The following RANBP2 variants were observed in gnomAD, a reference collection of about 807,000 sequenced individuals.
RANBP2 encodes E3 SUMO-protein ligase RanBP2.
Under a neutral mutation model 303.6 loss-of-function variants are expected in RANBP2, and 57 were observed. The ratio of observed to expected loss-of-function variants is 0.19; its 90% CI spans 0.15 to 0.23. The LOEUF is 0.23. RANBP2 is among the 10% of genes least tolerant of loss of function. The pLI is 1.00. For missense variants in RANBP2, 3,138 were observed against 3,780.8 expected (o/e 0.83, Z 4.46); for synonymous variants, 1,167 against 1,301.5 (o/e 0.90, Z 2.23).
At chr2:108,814,451 T>G in the RANBP2 span, among the ~76,000 whole-genome samples, 3 of 152,184 alleles carry the variant, frequency 2.0e-5, no homozygotes, top group Non-Finnish European at 4.4e-5. Context: ...TAATCGAAGT[T>G]TTCATCTAAA....
chr2:109,564,551 A>T, the RANBP2 span: 20 of 1,474,708 alleles, frequency 1.4e-5, no homozygotes, highest in Non-Finnish European at 1.5e-5. Flanking sequence ...AAAAAAAAAT[A>T]AGAAAAGAAC....
At chr2:109,177,558 G>T in the RANBP2 span, among the ~76,000 whole-genome samples, 12 of 152,114 alleles carry the variant, frequency 7.9e-5, no homozygotes, top group Admixed American at 6.5e-4. Flanking sequence ...CTGGGGGGGG[G>T]CACCATTCCT....
chr2:109,078,182 AG>A, the RANBP2 span, among the ~76,000 whole-genome samples: 3 of 106,942 alleles, frequency 2.8e-5, no homozygotes. Context: ...GTATATATAT[AG>A]CATATATATA....
At chr2:108,791,808 A>G in the RANBP2 span, 11 of 1,575,782 alleles carry the variant, frequency 7.0e-6, no homozygotes, top group Middle Eastern at 1.2e-3. Context: ...AAAAGGTAAA[A>G]TAAATATTTT....
the RANBP2 span, among the ~76,000 whole-genome samples, chr2:109,351,519 T>C: frequency 6.6e-6 from 1 of 152,264 alleles, no homozygotes; most frequent in African/African-American, 2.4e-5. Context: ...AAGGGTTTAT[T>C]GAACCTCTTC....
At chr2:109,257,656 G>T in the RANBP2 span, among the ~76,000 whole-genome samples, 1 of 152,124 alleles carries the variant, frequency 6.6e-6, no homozygotes, top group Admixed American at 6.5e-5. Context: ...TGAGTGCCTT[G>T]GTTTGCGCTT....
chr2:109,129,670 G>A, the RANBP2 span: 1 of 1,513,352 alleles, frequency 6.6e-7, no homozygotes, highest in Non-Finnish European at 8.8e-7. Flanking sequence ...GGGGGCGGGC[G>A]AGGACATGGA....
chr2:109,185,085 T>C, the RANBP2 span, among the ~76,000 whole-genome samples: 1 of 152,186 alleles, frequency 6.6e-6, no homozygotes, highest in Non-Finnish European at 1.5e-5. Context: ...TGTTACACCG[T>C]GGAGATAGTA....
At chr2:109,654,658 C>T in the RANBP2 span, among the ~76,000 whole-genome samples, 1 of 152,122 alleles carries the variant, frequency 6.6e-6, no homozygotes, top group Non-Finnish European at 1.5e-5. Context: ...GAGCTCATCA[C>T]TGCTTTCAAG....
At chr2:109,096,014 T>C in the RANBP2 span, among the ~76,000 whole-genome samples, 1 of 152,186 alleles carries the variant, frequency 6.6e-6, no homozygotes. Flanking sequence ...CTGAGTCTCC[T>C]ACCAGAGTAA....
the RANBP2 span, among the ~76,000 whole-genome samples, chr2:109,486,300 A>G: frequency 6.6e-6 from 1 of 152,036 alleles, no homozygotes; most frequent in South Asian, 2.1e-4. Flanking sequence ...TGGGGCCCAC[A>G]TTTTACATTT....
At chr2:109,279,449 CACCT>C in the RANBP2 span, among the ~76,000 whole-genome samples, 2 of 152,164 alleles carry the variant, frequency 1.3e-5, no homozygotes, top group African/African-American at 4.8e-5. Context: ...GGTCTTCCTC[CACCT>C]CACTTTAATG....
At position 108,761,078 on chromosome 2, in the gene RANBP2, A is replaced by G. The variant is rs1410064438; in HGVS notation, c.2603-1023A>G. 2.0e-5 allele frequency among the ~76,000 whole-genome samples: 3 copies of G among 150,232 alleles called. No homozygotes were observed. In the East Asian group the frequency reaches 5.8e-4, roughly 29 times the overall value. ...CACAGTTTAGAGTCAGTAGTCAATT[A>G]AAGTCCCTACTTAAACTTCAGACTA... On this transcript the variant is annotated intron_variant, in intron 18 of 28. Transcript: ENST00000283195.
At chr2:109,178,309 G>A in the RANBP2 span, among the ~76,000 whole-genome samples, 10 of 151,868 alleles carry the variant, frequency 6.6e-5, no homozygotes, top group Admixed American at 5.9e-4. Flanking sequence ...TTTTATGAAT[G>A]TTCTCTATTG....
chr2:109,413,029 A>T, the RANBP2 span, among the ~76,000 whole-genome samples: 6 of 152,224 alleles, frequency 3.9e-5, no homozygotes, highest in African/African-American at 1.4e-4. Flanking sequence ...CTGGAACTTC[A>T]GGAGTGCAGG....
chr2:108,965,733 T>C, the RANBP2 span, among the ~76,000 whole-genome samples: 7 of 151,988 alleles, frequency 4.6e-5, no homozygotes, highest in Admixed American at 1.3e-4. Flanking sequence ...AGGAGAGGTG[T>C]GACTGCTCTG....
the RANBP2 span, among the ~76,000 whole-genome samples, chr2:108,813,942 A>G: frequency 1.3e-5 from 2 of 152,288 alleles, no homozygotes; most frequent in African/African-American, 2.4e-5. Flanking sequence ...CTATTGCTCA[A>G]TAGTATTTCA....
chr2:108,737,045 A>ATTTG (rs781298048), intron 6 of RANBP2, among the ~76,000 whole-genome samples: 1 of 125,542 alleles, frequency 8.0e-6, no homozygotes, highest in African/African-American at 3.2e-5. Flanking sequence ...TAGGCTGTCC[A>ATTTG]TGTGGAAGTT....
At chr2:108,914,816 C>T in the RANBP2 span, among the ~76,000 whole-genome samples, 4 of 152,224 alleles carry the variant, frequency 2.6e-5, no homozygotes, top group Non-Finnish European at 4.4e-5. Flanking sequence ...ATCAAGGTAC[C>T]TCCCCAGCCT....
Sources: allele counts gnomAD v4.1 joint callset (sites outside exome capture counted in the v4.1 genomes callset), GRCh38; gene constraint gnomAD v4.1.1; transcripts MANE v1.5; gene names NCBI Gene and HGNC (gene_info 2026-07-23, HGNC 2026-07-21).